SLC25A48: variants seen among roughly 807,000 people sequenced by gnomAD.
The protein encoded by SLC25A48 is CTC-321K16.1.
In SLC25A48, 29 loss-of-function variants were observed where a neutral mutation model predicts 32.2. That is an observed-to-expected ratio of 0.90 (90% CI 0.67 to 1.23). The LOEUF is 1.23. Ranked by LOEUF, SLC25A48 falls within the 50% of genes most tolerant of loss-of-function variation. The probability of loss-of-function intolerance (pLI) is 0.00; values close to 1 mark genes in which losing one functional copy is unlikely to be tolerated. For missense variants in SLC25A48, 399 were observed against 422.7 expected (o/e 0.94, Z 0.49); for synonymous variants, 164 against 172.3 (o/e 0.95, Z 0.38).
At chr5:135,632,859 A>G (rs758308867) in intron 2 of SLC25A48, among the ~76,000 whole-genome samples, 3 of 152,190 alleles carry the variant, frequency 2.0e-5, no homozygotes. Flanking sequence ...GTGTTGAGGT[A>G]TTGATAGGCT....
At chr5:135,685,815 T>C (rs1754010538) in intron 3 of SLC25A48, among the ~76,000 whole-genome samples, 1 of 152,254 alleles carries the variant, frequency 6.6e-6, no homozygotes. Context: ...ATCCACATGC[T>C]GGGATTGAAG....
intron 1 of SLC25A48, among the ~76,000 whole-genome samples, chr5:135,602,560 C>CG (rs1010929845): frequency 2.1e-4 from 32 of 150,338 alleles, no homozygotes; most frequent in African/African-American, 7.8e-4. Context: ...GCATTGCCAC[C>CG]GGGGGCTTTG....
chr5:135,684,708 A>C (rs1375380354), intron 3 of SLC25A48, among the ~76,000 whole-genome samples: 1 of 152,190 alleles, frequency 6.6e-6, no homozygotes, highest in Non-Finnish European at 1.5e-5. Context: ...CAGCACATGT[A>C]TGTTGCTTTT....
At position 135,737,046 on chromosome 5, in the gene SLC25A48, A is replaced by C. The variant is rs546056868; in HGVS notation, c.-520-75477A>C. The stretch of plus-strand genomic sequence containing the variant: ...TAAAGAGCAGGAGGACAGAGGATTG[A>C]TCTCCCGAGGGAGGTCCCCTGATCC... On this transcript the variant is annotated intron_variant, in intron 3 of 10. Transcript: ENST00000646290. Among the ~76,000 whole-genome samples, 4 of 152,278 alleles carry C rather than the reference A, an allele frequency of 2.6e-5. No individual in the cohort carries two copies. The South Asian group carries it at 8.3e-4, about 32-fold the overall frequency.
At chr5:135,779,626 C>G (rs1756671378) in intron 3 of SLC25A48, among the ~76,000 whole-genome samples, 1 of 116,532 alleles carries the variant, frequency 8.6e-6, no homozygotes, top group African/African-American at 2.6e-5. Context: ...TTTTTAATAT[C>G]CAGAAGTGGA....
At chr5:135,853,000 T>A (rs1270356738) in intron 4 of SLC25A48, among the ~76,000 whole-genome samples, 179 bp downstream of exon 4, 1 of 152,228 alleles carries the variant, frequency 6.6e-6, no homozygotes, top group East Asian at 1.9e-4. Flanking sequence ...ACCACTGCAA[T>A]AATGCAAATA....
intron 4 of SLC25A48, among the ~76,000 whole-genome samples, chr5:135,856,037 A>G (rs940614454): frequency 2.0e-5 from 3 of 152,228 alleles, no homozygotes; most frequent in Non-Finnish European, 4.4e-5. Flanking sequence ...ACAGGAAGGC[A>G]CTTGCTGTGC....
intron 3 of SLC25A48, among the ~76,000 whole-genome samples, chr5:135,657,376 A>G (rs1408370164): frequency 1.3e-5 from 2 of 152,238 alleles, no homozygotes; most frequent in Non-Finnish European, 2.9e-5. Flanking sequence ...TTCTGTGGGA[A>G]ATGAAGACTT....
chr5:135,684,289 T>C (rs900981634), intron 3 of SLC25A48, among the ~76,000 whole-genome samples: 2 of 152,182 alleles, frequency 1.3e-5, no homozygotes, highest in African/African-American at 4.8e-5. Flanking sequence ...CTTTAATTTT[T>C]ACTCCCTTCT....
chr5:135,695,589 C>T lies in SLC25A48; in HGVS notation c.-521+60633C>T, dbSNP rs1580792146. Among the ~76,000 whole-genome samples the T allele has an allele frequency of 2.0e-5, 3 of 152,260 alleles. No homozygotes were observed. In the East Asian group the frequency reaches 5.8e-4, roughly 30 times the overall value. On this transcript the variant is annotated intron_variant, in intron 3 of 10. Coordinates refer to the SLC25A48 transcript ENST00000646290. ...CCTTCTCCCTTCAGCCCCTGCTCAA[C>T]ACTGAGAATGCACTGCCTCCCACCC...
At chr5:135,746,880 T>C (rs368785628) in intron 3 of SLC25A48, among the ~76,000 whole-genome samples, 9 of 152,202 alleles carry the variant, frequency 5.9e-5, no homozygotes, top group African/African-American at 2.2e-4. Flanking sequence ...TCTCATCACA[T>C]TGATAATTTT....
At chr5:135,653,970 C>T (rs750334553) in intron 3 of SLC25A48, 46 of 455,092 alleles carry the variant, frequency 1.0e-4, no homozygotes, top group South Asian at 2.0e-4. Flanking sequence ...GTGAGGGTAG[C>T]GGCAGGGCTA....
intron 3 of SLC25A48, among the ~76,000 whole-genome samples, chr5:135,736,792 A>T (rs1755371297): frequency 6.6e-6 from 1 of 152,186 alleles, no homozygotes; most frequent in East Asian, 1.9e-4. Flanking sequence ...GGGTTCACAG[A>T]TAAAACGCAT....
At chr5:135,651,446 GC>G (rs1753110988) in intron 3 of SLC25A48, among the ~76,000 whole-genome samples, 1 of 152,072 alleles carries the variant, frequency 6.6e-6, no homozygotes. Flanking sequence ...ACCTTAGTAG[GC>G]AGATTCCCAG....
At chr5:135,748,685 T>C (rs1755698195) in intron 3 of SLC25A48, among the ~76,000 whole-genome samples, 1 of 152,152 alleles carries the variant, frequency 6.6e-6, no homozygotes, top group African/African-American at 2.4e-5. Flanking sequence ...ACAGGATCTT[T>C]TTCCTCTGTC....
intron 1 of SLC25A48, among the ~76,000 whole-genome samples, chr5:135,841,617 AAG>A (rs1324287654): frequency 1.3e-5 from 2 of 152,074 alleles, no homozygotes; most frequent in Non-Finnish European, 2.9e-5. Context: ...TTTTTAGACA[AAG>A]AGTGATCAAT....
chr5:135,780,160 C>CTTTTTTT (rs34277772), intron 3 of SLC25A48, among the ~76,000 whole-genome samples: 4 of 38,796 alleles, frequency 1.0e-4, no homozygotes, highest in Non-Finnish European at 1.4e-4. Context: ...GTTTCTTCGT[C>CTTTTTTT]TTTTTTTTTT....
chr5:135,763,859 GTCAC>G lies in SLC25A48; in HGVS notation c.-520-48660_-520-48657del, dbSNP rs1756128707. Among the ~76,000 whole-genome samples the G allele has an allele frequency of 2.6e-5, 4 of 152,136 alleles. No homozygotes were observed. The South Asian group carries it at 8.3e-4, about 32-fold the overall frequency. On this transcript the variant is annotated intron_variant, in intron 3 of 10. Coordinates refer to the SLC25A48 transcript ENST00000646290. ...CAATTCAGCATCCGTCTCAATTTGT[GTCAC>G]TCAATTCTATTTACTTATTTATTTT...
At chr5:135,600,259 A>G (rs1751763286) in intron 1 of SLC25A48, among the ~76,000 whole-genome samples, 1 of 152,202 alleles carries the variant, frequency 6.6e-6, no homozygotes, top group African/African-American at 2.4e-5. Context: ...AGAGCAGATG[A>G]ATAATGTGGT....
Sources: gnomAD v4.1 joint callset for allele counts (sites outside exome capture counted in the v4.1 genomes callset) on GRCh38, gnomAD v4.1.1 for gene constraint, MANE v1.5 for transcripts, NCBI Gene and HGNC (gene_info 2026-07-23, HGNC 2026-07-21) for gene names.